Variants in SSR2 observed in about 807,000 individuals in gnomAD.
SSR2 encodes the protein translocon-associated protein subunit beta.
A neutral mutation model predicts 22.6 loss-of-function variants in SSR2; 16 were observed. The observed-to-expected ratio is 0.71, with a 90% CI of 0.48 to 1.08. The LOEUF (loss-of-function observed/expected upper bound fraction) is 1.08. SSR2 is among the 50% of genes least tolerant of loss of function. The probability of loss-of-function intolerance (pLI) is 0.00; values close to 1 mark genes in which losing one functional copy is unlikely to be tolerated. For synonymous variants in SSR2, 83 were observed against 91.2 expected, an observed-to-expected ratio of 0.91 and a Z score of 0.51; for missense variants, 171 against 221.6, an observed-to-expected ratio of 0.77 and a Z score of 1.45.
chr1:156,011,027 A>C (rs1682971248), intron 5 of SSR2: 2 of 151,586 alleles, frequency 1.3e-5, no homozygotes. Flanking sequence ...GCTAGAGTGC[A>C]GTGGCTCGAT....
rs1683111452 is a variant in SSR2, at chr1:156,019,388, C to CA, written c.155+624_155+625insT. 1.9e-5 allele frequency: 4 copies of CA among 206,948 alleles called. No individual in the cohort carries two copies. In the East Asian group the frequency reaches 5.1e-4, roughly 27 times the overall value. 12.8% of individuals were successfully genotyped at this position (206,948 alleles called of 1,614,324 possible). Reference sequence around the variant, plus strand: ...GGCTAATGAAAGAAGGAAAATTACACTTTTTTTTTTTTGAGATGGAGACTC... The same window carrying CA: ...GGCTAATGAAAGAAGGAAAATTACACATTTTTTTTTTTTGAGATGGAGACTC... On this transcript the variant is annotated intron_variant, in intron 2 of 5. Coordinates refer to ENST00000295702, the MANE Select transcript of SSR2 (RefSeq NM_003145.4).
Position 156,020,775 on chromosome 1 carries a change from A to T in SSR2, c.-1+113T>A, listed in dbSNP as rs530009660. 628 of 423,856 alleles carry T rather than the reference A, an allele frequency of 1.5e-3. 9 individuals are homozygous for T. Among genetic ancestry groups the T allele is most frequent in the South Asian group, 9.3e-3 (557 of 59,944 alleles). The allele number at this position is 423,856 out of a possible 1,614,324, so 26.3% of individuals were successfully genotyped here. A position where few individuals can be genotyped will look rare whatever the true frequency, so the allele number is the denominator to read the frequency against. ...TTGCAAGGTTACACGTCCTCCAGCC[A>T]CCGCGTCCTCTGCCCTTCCCGCCCT... On this transcript the variant is annotated intron_variant, in intron 1 of 5. Coordinates refer to ENST00000295702, the MANE Select transcript of SSR2 (RefSeq NM_003145.4).
chr1:156,009,693 G>C, intron 5 of SSR2, 43 bp from the exon 6 acceptor site: 3 of 1,405,294 alleles, frequency 2.1e-6, no homozygotes, highest in Non-Finnish European at 3.0e-6. Context: ...TCTGGATTAG[G>C]GCACAGGAGA....
chr1:156,013,390 C>T (rs1683005859), intron 4 of SSR2: 1 of 152,352 alleles, frequency 6.6e-6, no homozygotes, highest in Non-Finnish European at 1.5e-5. Flanking sequence ...TGCGCTACTG[C>T]ACTGCAGCCT....
intron 5 of SSR2, chr1:156,010,941 A>G (rs1051186782): frequency 6.6e-6 from 1 of 151,064 alleles, no homozygotes; most frequent in African/African-American, 2.4e-5. Context: ...AGCACCTGGC[A>G]TATAACCTCT....
chr1:156,017,176 A>G (rs955761529), intron 3 of SSR2, among the ~76,000 whole-genome samples: 7 of 152,074 alleles, frequency 4.6e-5, no homozygotes, highest in Admixed American at 4.6e-4. Context: ...TCTCCCAAGT[A>G]GCTGGGACTA....
At chr1:156,020,383 A>C in intron 1 of SSR2, 6 of 505,302 alleles carry the variant, frequency 1.2e-5, no homozygotes, top group East Asian at 7.2e-5. Context: ...GCACCAATAT[A>C]TCTACTGCCC....
At chr1:156,019,444 C>T (rs1042093893) in intron 2 of SSR2, among the ~76,000 whole-genome samples, 10 of 151,808 alleles carry the variant, frequency 6.6e-5, no homozygotes, top group South Asian at 4.2e-4. Flanking sequence ...AGTGCAGTGG[C>T]GCAATCTCCG....
rs531493503 is a variant in SSR2 at position 156,009,599 on chromosome 1, G to A, written c.493C>T (p.Leu165=). The A allele has an allele frequency of 6.2e-7, 1 of 1,613,278 alleles. No homozygotes were observed. Among genetic ancestry groups the A allele is most frequent in the African/African-American group, 1.3e-5 (1 of 74,992 alleles). ...VMTLPSIGIP[L]LLWYSSKRKY... is the part of the protein sequence containing the mutation. Reference sequence around the variant, plus strand: ...CTCTTGCTGGAGTACCACAATAGCAGGGGGATGCCGATGGAGGGAAGGGTC... The same window carrying A: ...CTCTTGCTGGAGTACCACAATAGCAAGGGGATGCCGATGGAGGGAAGGGTC... The change falls in exon 6 of 6, where the codon CTG becomes TTG. Residue 165 remains leucine (L), a synonymous_variant. Coordinates refer to ENST00000295702, the MANE Select transcript of SSR2 (RefSeq NM_003145.4).
At chr1:156,020,807 G>A (rs990278173) in intron 1 of SSR2, 81 bp downstream of exon 1, 1 of 449,010 alleles carries the variant, frequency 2.2e-6, no homozygotes, top group Non-Finnish European at 4.8e-6. Flanking sequence ...CCCTCCCCTA[G>A]CTAACCCCCA....
At position 156,009,383 on chromosome 1, in the gene SSR2, A is replaced by G; in HGVS notation, c.*157T>C. ...CGCAGACTCCTAGGGCTGGTCCTTCACTATGGCTGAGAGCAGGGCAGGATC... is the reference window on the plus strand; with the variant it reads ...CGCAGACTCCTAGGGCTGGTCCTTCGCTATGGCTGAGAGCAGGGCAGGATC... On this transcript the variant is annotated 3_prime_UTR_variant, in exon 6 of 6. Transcript: ENST00000295702. 1 of 662,092 alleles carries G rather than the reference A, an allele frequency of 1.5e-6. No individual in the cohort carries two copies. Among genetic ancestry groups the G allele is most frequent in the Admixed American group, 2.9e-5 (1 of 35,054 alleles). 41.0% of individuals were successfully genotyped at this position (662,092 alleles called of 1,614,324 possible).
At position 156,009,252 on chromosome 1, in the gene SSR2, A is replaced by C. The variant is rs1682947497; in HGVS notation, c.*288T>G. Reference sequence around the variant, plus strand: ...CCCTGAGAGAATTCACGTTGCCAGCAATAAACCAACAGCACCTCAGTGGGG... The same window carrying C: ...CCCTGAGAGAATTCACGTTGCCAGCCATAAACCAACAGCACCTCAGTGGGG... On this transcript the variant is annotated 3_prime_UTR_variant, in exon 6 of 6. Coordinates refer to ENST00000295702, the MANE Select transcript of SSR2 (RefSeq NM_003145.4). 1 of 323,954 alleles carries C rather than the reference A, an allele frequency of 3.1e-6. No individual in the cohort carries two copies. The highest frequency in any genetic ancestry group is 5.5e-5 in the Admixed American group (1 of 18,070). The allele number at this position is 323,954 out of a possible 1,614,324, so 20.1% of individuals were successfully genotyped here.
chr1:156,018,600 C>T (rs141206156), intron 2 of SSR2, among the ~76,000 whole-genome samples: 9,616 of 151,526 alleles, frequency 0.063, 416 homozygotes, highest in East Asian at 0.093. Context: ...CCCAGCTACT[C>T]GGGAGGCTGA....
At position 156,009,370 on chromosome 1, in the gene SSR2, G is replaced by C; in HGVS notation, c.*170C>G. The C allele has an allele frequency of 3.1e-6, 2 of 640,922 alleles. No homozygotes were observed. Among genetic ancestry groups the C allele is most frequent in the Non-Finnish European group, 2.8e-6 (1 of 359,506 alleles). The allele number at this position is 640,922 out of a possible 1,614,324, so 39.7% of individuals were successfully genotyped here. ...CCAAGGAGGCTCTCGCAGACTCCTA[G>C]GGCTGGTCCTTCACTATGGCTGAGA... On this transcript the variant is annotated 3_prime_UTR_variant, in exon 6 of 6. Coordinates refer to ENST00000295702, the MANE Select transcript of SSR2 (RefSeq NM_003145.4).
At chr1:156,015,522 A>AT (rs1469428680) in intron 3 of SSR2, among the ~76,000 whole-genome samples, 66 of 118,734 alleles carry the variant, frequency 5.6e-4, no homozygotes, top group African/African-American at 2.1e-3. Flanking sequence ...AAAAAAAAAA[A>AT]AAAAAAAAAA....
At chr1:156,015,174 T>C in intron 3 of SSR2, 105 bp from the exon 4 acceptor site, 2 of 817,584 alleles carry the variant, frequency 2.4e-6, no homozygotes, top group Non-Finnish European at 4.1e-6. Context: ...CAATACATGC[T>C]GATCTCATGC....
chr1:156,011,045 C>T (rs1311323588), intron 5 of SSR2: 1 of 151,994 alleles, frequency 6.6e-6, no homozygotes, highest in Admixed American at 6.6e-5. Context: ...GATCTTGGCT[C>T]ACTGCAACCT....
At chr1:156,015,128 C>T in intron 3 of SSR2, 59 bp from the exon 4 acceptor site, 1 of 1,318,374 alleles carries the variant, frequency 7.6e-7, no homozygotes, top group Non-Finnish European at 1.1e-6. Context: ...AGCCTTTCAA[C>T]CTGTGGACTA....
At position 156,009,428 on chromosome 1, in the gene SSR2, G is replaced by T. The variant is rs1682949548; in HGVS notation, c.*112C>A. 7 of 862,198 alleles carry T rather than the reference G, an allele frequency of 8.1e-6. No individual in the cohort carries two copies. Among genetic ancestry groups the T allele is most frequent in the South Asian group, 5.7e-5 (4 of 69,964 alleles). 53.4% of individuals were successfully genotyped at this position (862,198 alleles called of 1,614,324 possible). On this transcript the variant is annotated 3_prime_UTR_variant, in exon 6 of 6. Transcript: ENST00000295702. The stretch of plus-strand genomic sequence containing the variant: ...AGGATCCAGGAGAAAGTGGCCAAGG[G>T]CTAAGAGAGAAGAGATTGCATTTAA...
Sources: allele counts gnomAD v4.1 joint callset (sites outside exome capture counted in the v4.1 genomes callset), GRCh38; gene constraint gnomAD v4.1.1; transcripts MANE v1.5; gene names NCBI Gene and HGNC (gene_info 2026-07-23, HGNC 2026-07-21).